Variants in SCAP observed in about 807,000 individuals in gnomAD.
The protein encoded by SCAP is sterol regulatory element-binding protein cleavage-activating protein.
A neutral mutation model predicts 123.6 loss-of-function variants in SCAP; 65 were observed. The observed-to-expected ratio is 0.53, with a 90% CI of 0.43 to 0.65. The LOEUF (loss-of-function observed/expected upper bound fraction) is 0.65. SCAP is among the 30% of genes least tolerant of loss of function. The probability of loss-of-function intolerance (pLI) is 0.00; values close to 1 mark genes in which losing one functional copy is unlikely to be tolerated. For synonymous variants in SCAP, 740 were observed against 726.3 expected (o/e 1.02, Z -0.30); for missense variants, 1,398 against 1,712.5 (o/e 0.82, Z 3.24).
rs538098822 is a variant in SCAP at position 47,439,403 on chromosome 3, C to T, written c.122+3469G>A. Among the ~76,000 whole-genome samples the T allele has an allele frequency of 2.6e-5, 4 of 152,244 alleles. No homozygotes were observed. Among genetic ancestry groups the T allele is most frequent in the South Asian group, 2.1e-4 (1 of 4,826 alleles). On this transcript the variant is annotated intron_variant, in intron 2 of 22. Transcript: ENST00000265565. This position sits in a 1 kb window ranked among gnomAD's most constrained non-coding sequence, Gnocchi z 4.0. Reference sequence around the variant, plus strand: ...CAGCCTGGGCGACAGAGTGAGACCCCGTCTCAAAATCAAAAACAACACAAT... The same window carrying T: ...CAGCCTGGGCGACAGAGTGAGACCCTGTCTCAAAATCAAAAACAACACAAT...
intron 3 of SCAP, chr3:47,428,912 T>A: frequency 2.3e-6 from 1 of 438,746 alleles, no homozygotes; most frequent in Non-Finnish European, 4.1e-6. Flanking sequence ...GGAACCAAGA[T>A]GGCCGACTGG....
intron 1 of SCAP, among the ~76,000 whole-genome samples, chr3:47,444,616 G>A (rs1183258523): frequency 6.6e-6 from 1 of 151,994 alleles, no homozygotes; most frequent in Non-Finnish European, 1.5e-5. Context: ...TGGGATTACA[G>A]GTGTGCACCA....
rs563377468 is a variant in SCAP at position 47,460,547 on chromosome 3, G to T, written c.-99+15252C>A. 8.3e-4 allele frequency among the ~76,000 whole-genome samples: 126 copies of T among 152,150 alleles called. 2 individuals carry two copies. Among genetic ancestry groups the T allele is most frequent in the South Asian group, 5.4e-3 (26 of 4,818 alleles). ...ACAACACTTCAAGAACTGTTTTTTGGTTTTTTGTTGTTGTTGTCTTTTTGA... is the reference window on the plus strand; with the variant it reads ...ACAACACTTCAAGAACTGTTTTTTGTTTTTTTGTTGTTGTTGTCTTTTTGA... On this transcript the variant is annotated intron_variant, in intron 1 of 22. Coordinates refer to ENST00000265565, the MANE Select transcript of SCAP (RefSeq NM_012235.4).
Position 47,421,027 on chromosome 3 carries a change from C to T in SCAP, c.1248G>A (p.Glu416=), listed in dbSNP as rs144572130. 7.9e-5 allele frequency: 127 copies of T among 1,613,358 alleles called. No individual in the cohort carries two copies. Among genetic ancestry groups the T allele is most frequent in the Non-Finnish European group, 1.0e-4 (123 of 1,179,572 alleles). The change falls in exon 11 of 23, where the codon GAG becomes GAA. Residue 416 remains glutamate (E), a splice_region_variant and synonymous_variant. Coordinates refer to ENST00000265565, the MANE Select transcript of SCAP (RefSeq NM_012235.4). ...GCCCCACGACAGCAAAGAGACAGAACTCCTGGAATCAGAGCACATGGGGAT... is the reference window on the plus strand; with the variant it reads ...GCCCCACGACAGCAAAGAGACAGAATTCCTGGAATCAGAGCACATGGGGAT... ...GYFTLVPAIQ[E]FCLFAVVGLV...
rs1314656152 is a variant in SCAP at position 47,455,083 on chromosome 3, AT to A, written c.-98-11993del. 5.0e-3 allele frequency among the ~76,000 whole-genome samples: 734 copies of A among 146,594 alleles called. 3 individuals carry two copies. Among genetic ancestry groups the A allele is most frequent in the African/African-American group, 0.014 (546 of 40,352 alleles). On this transcript the variant is annotated intron_variant, in intron 1 of 22. Coordinates refer to ENST00000265565, the MANE Select transcript of SCAP (RefSeq NM_012235.4). ...ATTACATATATATATATATATATAT[AT>A]ATATATATATAATCAACTGAAAACC... is the stretch of plus-strand genomic sequence containing the variant.
chr3:47,455,063 A>ATT (rs1491480415), intron 1 of SCAP, among the ~76,000 whole-genome samples: 10 of 1,746 alleles, frequency 5.7e-3, no homozygotes, highest in African/African-American at 0.015. Context: ...AAAAAATTAC[A>ATT]TATATATATA....
chr3:47,443,573 C>T (rs935267594), intron 1 of SCAP, among the ~76,000 whole-genome samples: 3 of 152,146 alleles, frequency 2.0e-5, no homozygotes, highest in Non-Finnish European at 4.4e-5. Flanking sequence ...AATAGTGATT[C>T]ACTCGTGAAG....
chr3:47,473,286 C>T (rs1007440948), intron 1 of SCAP, among the ~76,000 whole-genome samples: 8 of 151,972 alleles, frequency 5.3e-5, no homozygotes, highest in African/African-American at 1.9e-4. Context: ...ATTATGAAAA[C>T]TAAGTGAGAT....
chr3:47,425,302 A>G, intron 8 of SCAP, 183 bp downstream of exon 8: 1 of 679,100 alleles, frequency 1.5e-6, no homozygotes, highest in Non-Finnish European at 2.4e-6. Context: ...TGCTATATAC[A>G]AACACAAGTA....
intron 1 of SCAP, among the ~76,000 whole-genome samples, chr3:47,473,089 A>AAAAAAAAAAAAAAAC (rs1416676813): frequency 1.4e-5 from 2 of 145,906 alleles, no homozygotes; most frequent in African/African-American, 5.1e-5. Flanking sequence ...TCAAAAAAAA[A>AAAAAAAAAAAAAAAC]AAAAAAAAAA....
intron 1 of SCAP, among the ~76,000 whole-genome samples, chr3:47,462,527 C>CT (rs781758150): frequency 1.7e-4 from 26 of 152,046 alleles, no homozygotes; most frequent in Non-Finnish European, 3.2e-4. Context: ...CATAAAGACA[C>CT]TATGCTGAAA....
At position 47,427,444 on chromosome 3, in the gene SCAP, T is replaced by C. The variant is rs749661015; in HGVS notation, c.631+3A>G. The C allele has an allele frequency of 6.2e-7, 1 of 1,613,920 alleles. No individual in the cohort carries two copies. Among genetic ancestry groups the C allele is most frequent in the African/African-American group, 1.3e-5 (1 of 74,938 alleles). On this transcript the variant is annotated splice_donor_region_variant and intron_variant, in intron 5 of 22. Coordinates refer to ENST00000265565, the MANE Select transcript of SCAP (RefSeq NM_012235.4). ...GTCTGAAGGGAACTTGTACTGGGGC[T>C]ACCTTTGAGTGTGGCTGAAGTCTGC... is the stretch of plus-strand genomic sequence containing the variant.
At chr3:47,424,733 G>A (rs1427407272) in intron 8 of SCAP, among the ~76,000 whole-genome samples, 1 of 152,224 alleles carries the variant, frequency 6.6e-6, no homozygotes, top group Non-Finnish European at 1.5e-5. Flanking sequence ...AGGAAAGGGA[G>A]CAGGTATCTA....
rs35075035 is a variant in SCAP at position 47,448,002 on chromosome 3, C to CAA, written c.-98-4913_-98-4912dup. ...CCTGGGCAAGAGGGAGACTCCGTCT[C>CAA]AAAAAAAAAAAAAAAAAAAAAAAAA... is the stretch of plus-strand genomic sequence containing the variant. On this transcript the variant is annotated intron_variant, in intron 1 of 22. Transcript: ENST00000265565. Among the ~76,000 whole-genome samples, 264 of 66,332 alleles carry CAA rather than the reference C, an allele frequency of 4.0e-3. 25 individuals carry two copies. The highest frequency in any genetic ancestry group is 9.5e-3 in the African/African-American group (141 of 14,862). The allele number at this position is 66,332 out of a possible 152,430, so 43.5% of individuals were successfully genotyped here. A position where few individuals can be genotyped will look rare whatever the true frequency, so the allele number is the denominator to read the frequency against.
chr3:47,422,570 C>T, intron 9 of SCAP, 34 bp from the exon 10 acceptor site: 1 of 1,538,294 alleles, frequency 6.5e-7, no homozygotes, highest in Non-Finnish European at 8.9e-7. Context: ...CAGGGCAACA[C>T]ATGGCCACTC....
chr3:47,427,064 G>T (rs1197021232), intron 6 of SCAP, 93 bp downstream of exon 6: 5 of 842,414 alleles, frequency 5.9e-6, no homozygotes, highest in Non-Finnish European at 7.9e-6. Flanking sequence ...GTTTCCAGGG[G>T]GCATTCAGAA....
Position 47,427,184 on chromosome 3 carries a change from G to T in SCAP, c.710C>A (p.Thr237Asn). ...TRKRMVSYTITLVFQHYHAKF... is the reference protein window; with the variant it reads ...TRKRMVSYTINLVFQHYHAKF... ...GGCATGGTAGTGCTGGAAGACCAGG[G>T]TGATGGTGTAGGAGACCATCCTCTT... Residue 237 changes from threonine to asparagine, a missense_variant, in exon 6 of 23, where the codon ACC becomes AAC. Transcript: ENST00000265565. 2 of 1,613,574 alleles carry T rather than the reference G, an allele frequency of 1.2e-6. No individual in the cohort carries two copies. The highest frequency in any genetic ancestry group is 1.7e-6 in the Non-Finnish European group (2 of 1,179,558).
At chr3:47,437,783 T>TA (rs934830558) in intron 2 of SCAP, among the ~76,000 whole-genome samples, 3 of 151,372 alleles carry the variant, frequency 2.0e-5, no homozygotes, top group Non-Finnish European at 2.9e-5. Flanking sequence ...TGTTTTTAAT[T>TA]AAAAAAAAGA....
intron 3 of SCAP, among the ~76,000 whole-genome samples, chr3:47,431,004 C>T (rs538004742): frequency 3.3e-5 from 5 of 152,268 alleles, no homozygotes; most frequent in South Asian, 2.1e-4. Context: ...CAGAGGCAAC[C>T]GTCTGAGCCT....
Sources: gnomAD v4.1 joint callset for allele counts (sites outside exome capture counted in the v4.1 genomes callset) on GRCh38, gnomAD v4.1.1 for gene constraint, Gnocchi (gnomAD v3.1) non-coding constraint, MANE v1.5 for transcripts, NCBI Gene and HGNC (gene_info 2026-07-23, HGNC 2026-07-21) for gene names.